Variants in PRICKLE2 observed in about 807,000 individuals in gnomAD.
PRICKLE2 encodes the protein prickle-like protein 2.
PRICKLE2 carries 21 observed loss-of-function variants against 81.4 expected under a neutral mutation model. That is an observed-to-expected ratio of 0.26 (90% CI 0.18 to 0.37). The LOEUF is 0.37. Ranked by LOEUF, PRICKLE2 falls within the 10% of genes least tolerant of loss-of-function variation. The probability of loss-of-function intolerance (pLI) is 1.00; values close to 1 mark genes in which losing one functional copy is unlikely to be tolerated. For synonymous variants in PRICKLE2, 456 were observed against 421.5 expected, an observed-to-expected ratio of 1.08 and a Z score of -1.00; for missense variants, 940 against 1,109.0, an observed-to-expected ratio of 0.85 and a Z score of 2.16.
upstream of PRICKLE2, among the ~76,000 whole-genome samples, chr3:64,227,916 T>A (rs576161320): frequency 6.6e-6 from 1 of 152,178 alleles, no homozygotes; most frequent in Non-Finnish European, 1.5e-5. Flanking sequence ...GACTGCAAAA[T>A]CATCTTTATT....
At chr3:64,199,222 G>T in intron 1 of PRICKLE2, 2 of 588,730 alleles carry the variant, frequency 3.4e-6, no homozygotes, top group South Asian at 4.1e-5. Flanking sequence ...GTGGACCCCA[G>T]CCTTCTCTTC....
intron 7 of PRICKLE2, among the ~76,000 whole-genome samples, chr3:64,110,718 G>A (rs1036386568): frequency 5.3e-5 from 8 of 151,988 alleles, no homozygotes; most frequent in African/African-American, 1.7e-4. Flanking sequence ...AAGGTGCCAC[G>A]AGCTCTAAGA....
rs144757200 is a variant in PRICKLE2 at position 64,146,888 on chromosome 3, C to A, written c.1602G>T (p.Thr534=). Residue 534 remains threonine (T), a synonymous_variant, in exon 7 of 8, where the codon ACG becomes ACT. Transcript: ENST00000638394. Reference sequence around the variant, plus strand: ...AGCCCCGAGGGGTCTGCTCTGTGGGCGTCATGTCCTCTGTGTATTTCAGGG... The same window carrying A: ...AGCCCCGAGGGGTCTGCTCTGTGGGAGTCATGTCCTCTGTGTATTTCAGGG... ...ISSLKYTEDM[T]PTEQTPRGSM... is the part of the protein sequence containing the mutation. 4 of 1,614,104 alleles carry A rather than the reference C, an allele frequency of 2.5e-6. No individual in the cohort carries two copies. The highest frequency in any genetic ancestry group is 3.4e-6 in the Non-Finnish European group (4 of 1,180,016).
chr3:64,093,483 G>A lies in PRICKLE2; in HGVS notation c.*5568C>T, dbSNP rs2076530640. 1 of 152,144 alleles carries A rather than the reference G, an allele frequency of 6.6e-6. No individual in the cohort carries two copies. Among genetic ancestry groups the A allele is most frequent in the African/African-American group, 2.4e-5 (1 of 41,418 alleles). 9.4% of individuals were successfully genotyped at this position (152,144 alleles called of 1,614,324 possible). Reference sequence around the variant, plus strand: ...ACATCATTTTACATTCCCACCAACAGTGTACAAGTGTTCCAATTGCTCCAC... The same window carrying A: ...ACATCATTTTACATTCCCACCAACAATGTACAAGTGTTCCAATTGCTCCAC... On this transcript the variant is annotated 3_prime_UTR_variant, in exon 8 of 8. Coordinates refer to ENST00000638394, the MANE Select transcript of PRICKLE2 (RefSeq NM_198859.4).
At chr3:64,128,253 T>C (rs1388135882) in intron 7 of PRICKLE2, among the ~76,000 whole-genome samples, 1 of 152,180 alleles carries the variant, frequency 6.6e-6, no homozygotes, top group East Asian at 1.9e-4. Context: ...ACTGAATTAC[T>C]GGAGCTGGGA....
intron 4 of PRICKLE2, among the ~76,000 whole-genome samples, chr3:64,157,744 C>T (rs569897487): frequency 1.3e-5 from 2 of 152,278 alleles, no homozygotes; most frequent in East Asian, 1.9e-4. Flanking sequence ...AGGTTTAACA[C>T]CACCAGGAGT....
At chr3:64,216,720 G>T (rs983217027) in intron 1 of PRICKLE2, among the ~76,000 whole-genome samples, 1 of 151,954 alleles carries the variant, frequency 6.6e-6, no homozygotes. Flanking sequence ...GTCAGGCCCT[G>T]TGATTATGCT....
chr3:64,256,830 T>C (rs944544459), intron 2 of PRICKLE2, among the ~76,000 whole-genome samples: 1 of 152,174 alleles, frequency 6.6e-6, no homozygotes, highest in Non-Finnish European at 1.5e-5. Flanking sequence ...GAATGCACTG[T>C]CTCCCATGTC....
intron 6 of PRICKLE2, among the ~76,000 whole-genome samples, chr3:64,152,418 G>T (rs1246324558): frequency 6.6e-6 from 1 of 152,162 alleles, no homozygotes; most frequent in African/African-American, 2.4e-5. Flanking sequence ...AGCGTTAAAG[G>T]GTTGAACAAA....
intron 7 of PRICKLE2, among the ~76,000 whole-genome samples, chr3:64,123,400 A>C (rs1235283258): frequency 6.6e-6 from 1 of 152,244 alleles, no homozygotes; most frequent in African/African-American, 2.4e-5. Flanking sequence ...TATGATACTC[A>C]AATGCTCAAG....
intron 2 of PRICKLE2, among the ~76,000 whole-genome samples, chr3:64,265,680 C>A (rs1341575609): frequency 6.6e-6 from 1 of 152,182 alleles, no homozygotes; most frequent in African/African-American, 2.4e-5. Context: ...GCAAACCCAA[C>A]ACAAGACCAC....
chr3:64,222,493 T>C (rs1421536115), intron 1 of PRICKLE2, among the ~76,000 whole-genome samples: 2 of 152,178 alleles, frequency 1.3e-5, no homozygotes, highest in Non-Finnish European at 2.9e-5. Context: ...AGTCCACTTG[T>C]GTGACAGAAG....
rs2076613503 is a variant in PRICKLE2, at chr3:64,099,199, G to T, written c.2387C>A (p.Pro796His). ...GACGTATCGCAGGCGCGCTGGCTGGGGGATGGGTTCTCCTAGGAAATAGCC... is the reference window on the plus strand; with the variant it reads ...GACGTATCGCAGGCGCGCTGGCTGGTGGATGGGTTCTCCTAGGAAATAGCC... ...NEGYFLGEPI[P>H]QPARLRYVTS... The change falls in exon 8 of 8, where the codon CCC (proline) becomes CAC (histidine). Residue 796 changes from proline to histidine, a missense_variant. Pro to His is a moderately conservative substitution (Grantham distance 77). Transcript: ENST00000638394. This position sits in a 1 kb window ranked among gnomAD's most constrained non-coding sequence, Gnocchi z 4.3. 5 of 1,614,208 alleles carry T rather than the reference G, an allele frequency of 3.1e-6. No individual in the cohort carries two copies. The highest frequency in any genetic ancestry group is 4.2e-6 in the Non-Finnish European group (5 of 1,180,038).
chr3:64,191,297 A>G (rs2078330668), intron 2 of PRICKLE2, among the ~76,000 whole-genome samples: 1 of 152,176 alleles, frequency 6.6e-6, no homozygotes, highest in Non-Finnish European at 1.5e-5. Flanking sequence ...GGCAATAGTA[A>G]TTAGTTAGTC....
At chr3:64,250,472 C>T (rs115345670) in intron 2 of PRICKLE2, among the ~76,000 whole-genome samples, 1,622 of 152,212 alleles carry the variant, frequency 0.011, 30 homozygotes, top group African/African-American at 0.036. Flanking sequence ...TGGGGGTGGG[C>T]ATACAACCCA....
Position 64,220,593 on chromosome 3 carries a change from G to T in PRICKLE2, c.-41+4317C>A, listed in dbSNP as rs150521714. On this transcript the variant is annotated intron_variant, in intron 1 of 7. Transcript: ENST00000638394. ...ACAGCAGCTCAAACACTAGCACCAG[G>T]AAGAAGGGAGCTATCAGAGAACCCC... Among the ~76,000 whole-genome samples the T allele has an allele frequency of 3.3e-5, 5 of 152,254 alleles. No individual in the cohort carries two copies. In the East Asian group the frequency reaches 9.7e-4, roughly 29 times the overall value.
intron 2 of PRICKLE2, among the ~76,000 whole-genome samples, chr3:64,188,344 A>C (rs2078273072): frequency 6.6e-6 from 1 of 152,220 alleles, no homozygotes; most frequent in Non-Finnish European, 1.5e-5. Flanking sequence ...ATGTGGCCTC[A>C]TCTATTCCTA....
chr3:64,104,108 A>C (rs2076714577), intron 7 of PRICKLE2, among the ~76,000 whole-genome samples: 1 of 152,238 alleles, frequency 6.6e-6, no homozygotes, highest in African/African-American at 2.4e-5. Flanking sequence ...TTTTTGTTTC[A>C]ATTTCGTTCC....
intron 2 of PRICKLE2, among the ~76,000 whole-genome samples, chr3:64,247,117 G>A (rs1435123606): frequency 2.6e-5 from 4 of 152,152 alleles, no homozygotes; most frequent in East Asian, 1.9e-4. Flanking sequence ...GCAACTGGCC[G>A]AGCTGCCCCT....
Sources: gnomAD v4.1 joint callset for allele counts (sites outside exome capture counted in the v4.1 genomes callset) on GRCh38, gnomAD v4.1.1 for gene constraint, Gnocchi (gnomAD v3.1) non-coding constraint, MANE v1.5 for transcripts, NCBI Gene and HGNC (gene_info 2026-07-23, HGNC 2026-07-21) for gene names.